The following NIPBL variants were observed in gnomAD, a reference collection of about 807,000 sequenced individuals.
The protein encoded by NIPBL is NIPBL cohesin loading factor.
A neutral mutation model predicts 321.8 loss-of-function variants in NIPBL; 19 were observed. The ratio of observed to expected loss-of-function variants is 0.06; its 90% CI spans 0.04 to 0.09. The LOEUF is 0.09. NIPBL is among the 10% of genes least tolerant of loss of function. The pLI is 1.00. For synonymous variants in NIPBL, 1,106 were observed against 1,114.1 expected, an observed-to-expected ratio of 0.99 and a Z score of 0.14; for missense variants, 2,210 against 3,327.0, an observed-to-expected ratio of 0.66 and a Z score of 8.26.
At chr5:36,956,947 T>C (rs1037136015) in intron 3 of NIPBL, among the ~76,000 whole-genome samples, 2 of 151,946 alleles carry the variant, frequency 1.3e-5, no homozygotes, top group Admixed American at 6.6e-5. Context: ...CTTATGCTTG[T>C]ACATACTTAT....
chr5:36,942,668 G>GCC, intron 1 of NIPBL, among the ~76,000 whole-genome samples: 1 of 150,530 alleles, frequency 6.6e-6, no homozygotes, highest in Admixed American at 6.6e-5. Flanking sequence ...ATGAACCTTG[G>GCC]AGGCAGAGGC....
rs1383481909 is a variant in NIPBL, at chr5:37,059,258, A to G, written c.7685+93A>G. 47 of 1,390,634 alleles carry G rather than the reference A, an allele frequency of 3.4e-5. 1 individual carries two copies. The highest frequency in any genetic ancestry group is 3.9e-5 in the Non-Finnish European group (39 of 993,162). 86.1% of individuals were successfully genotyped at this position (1,390,634 alleles called of 1,614,324 possible). ...GTGGTGGCTCATGCCTGTAATCCCA[A>G]CATTTTGGGAGGCTGAGGCGGGCAG... On this transcript the variant is annotated intron_variant, in intron 44 of 46. Transcript: ENST00000282516.
rs754477438 is a variant in NIPBL, at chr5:37,022,167, T to G, written c.5427+18T>G. ...TAGCAAGGGTAAAGAGCAAAAATGA[T>G]TCTTTCTTTTCTACTCGAATTGGAA... On this transcript the variant is annotated intron_variant, in intron 28 of 46. Coordinates refer to ENST00000282516, the MANE Select transcript of NIPBL (RefSeq NM_133433.4). 3.1e-6 allele frequency: 5 copies of G among 1,613,240 alleles called. No homozygotes were observed. The highest frequency in any genetic ancestry group is 8.5e-7 in the Non-Finnish European group (1 of 1,179,204).
intron 22 of NIPBL, 39 bp from the exon 23 acceptor site, chr5:37,015,999 C>T: frequency 6.2e-7 from 1 of 1,610,708 alleles, no homozygotes; most frequent in Non-Finnish European, 8.5e-7. Context: ...ACATGTGTCA[C>T]CTAAATTGAC....
Position 37,017,137 on chromosome 5 carries a change from G to C in NIPBL, c.4895G>C (p.Gly1632Ala). 6.2e-7 allele frequency: 1 copy of C among 1,611,882 alleles called. No individual in the cohort carries two copies. The highest frequency in any genetic ancestry group is 8.5e-7 in the Non-Finnish European group (1 of 1,178,356). Residue 1632 changes from glycine to alanine, a missense_variant, in exon 24 of 47, where the codon GGA (glycine) becomes GCA (alanine). Coordinates refer to ENST00000282516, the MANE Select transcript of NIPBL (RefSeq NM_133433.4). ...KDAVTSKMDQ[G>A]SIERILKQVS... ...GCTGTTACAAGCAAAATGGATCAAG[G>C]ATCTATAGAACGCATTTTAAAACAG... is the stretch of plus-strand genomic sequence containing the variant.
chr5:36,990,073 CTTTCAAGAAATATCCGTATTATTTGT>C (rs1433248119), intron 10 of NIPBL, among the ~76,000 whole-genome samples: 1 of 151,922 alleles, frequency 6.6e-6, no homozygotes, highest in East Asian at 1.9e-4. Flanking sequence ...GGACTCAGTG[CTTTCAAGAAATATCCGTATTATTTGT>C]TATTTGACAT....
At chr5:36,952,053 T>TGTGTGTGTGTGTGTGTGTGTGCGC (rs778597604) in intron 1 of NIPBL, among the ~76,000 whole-genome samples, 65 of 112,194 alleles carry the variant, frequency 5.8e-4, no homozygotes, top group South Asian at 1.1e-3. Flanking sequence ...TGTGTGTGTG[T>TGTGTGTGTGTGTGTGTGTGTGCGC]GCGCGCGCGC....
intron 10 of NIPBL, among the ~76,000 whole-genome samples, chr5:36,990,946 A>G (rs2149654626): frequency 6.6e-6 from 1 of 152,152 alleles, no homozygotes; most frequent in Non-Finnish European, 1.5e-5. Context: ...CCCTGTGCCT[A>G]TTTATGAAGA....
At chr5:36,891,912 A>T (rs1746362465) in intron 1 of NIPBL, among the ~76,000 whole-genome samples, 1 of 152,174 alleles carries the variant, frequency 6.6e-6, no homozygotes, top group South Asian at 2.1e-4. Flanking sequence ...ATTGGGTAAG[A>T]GAGAATGAAA....
At position 37,024,735 on chromosome 5, in the gene NIPBL, T is replaced by G. The variant is rs773386352; in HGVS notation, c.5709+16T>G. The G allele has an allele frequency of 2.5e-6, 4 of 1,595,954 alleles. No individual in the cohort carries two copies. Among genetic ancestry groups the G allele is most frequent in the South Asian group, 1.1e-5 (1 of 88,668 alleles). On this transcript the variant is annotated intron_variant, in intron 30 of 46. Transcript: ENST00000282516. ...GGGCATTAAGGTAGTGTTGACTGTT[T>G]TAAATTTATTTTTCATTAATGTTTA...
rs1746070540 is a variant in NIPBL at position 36,995,727 on chromosome 5, G to A, written c.3227G>A (p.Arg1076His). Reference sequence around the variant, plus strand: ...CGTGTGAAAATGAACAAACGCAAGCGTAGCACAGTTAATGAAAAGCCAAAA... The same window carrying A: ...CGTGTGAAAATGAACAAACGCAAGCATAGCACAGTTAATGAAAAGCCAAAA... ...CERVKMNKRK[R>H]STVNEKPKYA... The change falls in exon 11 of 47, where the codon CGT (arginine) becomes CAT (histidine). Residue 1076 changes from arginine (R) to histidine (H), a missense_variant. Physicochemically the swap from Arg to His is conservative, Grantham distance 29 (BLOSUM62 0). Transcript: ENST00000282516. 2 of 1,613,718 alleles carry A rather than the reference G, an allele frequency of 1.2e-6. No homozygotes were observed. Among genetic ancestry groups the A allele is most frequent in the African/African-American group, 1.3e-5 (1 of 75,006 alleles).
chr5:36,925,227 A>G (rs563838288), intron 1 of NIPBL, among the ~76,000 whole-genome samples: 1 of 151,880 alleles, frequency 6.6e-6, no homozygotes, highest in African/African-American at 2.4e-5. Flanking sequence ...TCCAAATTTA[A>G]TATTTATTGT....
intron 20 of NIPBL, among the ~76,000 whole-genome samples, chr5:37,009,488 A>G (rs1457458288): frequency 6.6e-6 from 1 of 152,192 alleles, no homozygotes; most frequent in Admixed American, 6.5e-5. Flanking sequence ...TAAAATAATT[A>G]TTTTATCTTA....
chr5:37,024,761 A>C (rs1339024883), intron 30 of NIPBL, 42 bp downstream of exon 30: 1 of 1,483,986 alleles, frequency 6.7e-7, no homozygotes, highest in East Asian at 2.4e-5. Flanking sequence ...TTAATGTTTA[A>C]AATAAGTTAA....
chr5:36,970,296 G>T lies in NIPBL; in HGVS notation c.611-580G>T, dbSNP rs907855357. Among the ~76,000 whole-genome samples, 7 of 151,892 alleles carry T rather than the reference G, an allele frequency of 4.6e-5. No individual in the cohort carries two copies. In the South Asian group the frequency reaches 8.3e-4, roughly 18 times the overall value. The stretch of plus-strand genomic sequence containing the variant: ...AGCTACTCAGAAGGCTAAGGCAAGA[G>T]GATCACTTGAACCCAGGAGTTTGAG... On this transcript the variant is annotated intron_variant, in intron 6 of 46. Coordinates refer to ENST00000282516, the MANE Select transcript of NIPBL (RefSeq NM_133433.4).
chr5:36,893,194 C>T (rs1041332861), intron 1 of NIPBL, among the ~76,000 whole-genome samples: 1 of 152,142 alleles, frequency 6.6e-6, no homozygotes, highest in African/African-American at 2.4e-5. Flanking sequence ...TCCATACATA[C>T]ACTATAATGA....
chr5:36,973,572 A>G (rs547561332), intron 8 of NIPBL, among the ~76,000 whole-genome samples: 4 of 152,080 alleles, frequency 2.6e-5, no homozygotes, highest in East Asian at 3.9e-4. Context: ...GGTTCAAACG[A>G]TTCTCCTGCC....
intron 1 of NIPBL, among the ~76,000 whole-genome samples, chr5:36,887,531 T>C (rs564317654): frequency 6.6e-6 from 1 of 152,330 alleles, no homozygotes; most frequent in Non-Finnish European, 1.5e-5. Context: ...CCTTTCCTTT[T>C]TGAAACAGCT....
chr5:36,914,486 A>G (rs759674946), intron 1 of NIPBL, among the ~76,000 whole-genome samples: 1 of 152,190 alleles, frequency 6.6e-6, no homozygotes, highest in South Asian at 2.1e-4. Context: ...ACCTGACCTC[A>G]TGACAGGTTG....
Sources: gnomAD v4.1 joint callset for allele counts (sites outside exome capture counted in the v4.1 genomes callset) on GRCh38, gnomAD v4.1.1 for gene constraint, MANE v1.5 for transcripts, NCBI Gene and HGNC (gene_info 2026-07-23, HGNC 2026-07-21) for gene names.